The following COL25A1 variants were observed in gnomAD, a reference collection of about 807,000 sequenced individuals.
COL25A1 encodes collagen alpha-1(XXV) chain.
In COL25A1, 103 loss-of-function variants were observed where a neutral mutation model predicts 128.4. The observed-to-expected ratio is 0.80, with a 90% CI of 0.68 to 0.94. The LOEUF is 0.94. Ranked by LOEUF, COL25A1 falls within the 40% of genes least tolerant of loss-of-function variation. The pLI, the probability that COL25A1 is intolerant of heterozygous loss-of-function variation, is 0.00. For synonymous variants in COL25A1, 279 were observed against 277.2 expected, an observed-to-expected ratio of 1.01 and a Z score of -0.06; for missense variants, 745 against 840.0, an observed-to-expected ratio of 0.89 and a Z score of 1.40.
chr4:109,203,261 G>A (rs1043903920), intron 3 of COL25A1, among the ~76,000 whole-genome samples: 3 of 152,072 alleles, frequency 2.0e-5, no homozygotes, highest in East Asian at 3.9e-4. Flanking sequence ...AAGACAAGAC[G>A]AGCCATGCCT....
intron 11 of COL25A1, among the ~76,000 whole-genome samples, chr4:108,923,835 A>G (rs1745738288): frequency 6.6e-6 from 1 of 152,228 alleles, no homozygotes; most frequent in Non-Finnish European, 1.5e-5. Context: ...GTAAGTTTGT[A>G]TCAAGTAGAT....
rs566191347 is a variant in COL25A1, at chr4:109,122,079, T to C, written c.368-71900A>G. Among the ~76,000 whole-genome samples the C allele has an allele frequency of 2.0e-5, 3 of 152,042 alleles. No individual in the cohort carries two copies. In the East Asian group the frequency reaches 5.8e-4, roughly 29 times the overall value. ...TATGATATTCTGAAAAAGGCAAAAC[T>C]ATGGAGACAGCAAAAAGATTAGTAG... On this transcript the variant is annotated intron_variant, in intron 3 of 37. Transcript: ENST00000399132.
At position 108,835,915 on chromosome 4, in the gene COL25A1, G is replaced by A. The variant is rs147650903; in HGVS notation, c.1657-3482C>T. 1.2e-3 allele frequency among the ~76,000 whole-genome samples: 150 copies of A among 122,028 alleles called. 1 individual carries two copies. The highest frequency in any genetic ancestry group is 4.7e-3 in the African/African-American group (144 of 30,360). The allele number at this position is 122,028 out of a possible 152,430, so 80.1% of individuals were successfully genotyped here. A position where few individuals can be genotyped will look rare whatever the true frequency, so the allele number is the denominator to read the frequency against. On this transcript the variant is annotated intron_variant, in intron 31 of 37. Transcript: ENST00000399132. Reference sequence around the variant, plus strand: ...GAGACGGACTCTCGCTCTGTTGCCCGGGCTGGAGTGCAGTGGCGCGATCTC... The same window carrying A: ...GAGACGGACTCTCGCTCTGTTGCCCAGGCTGGAGTGCAGTGGCGCGATCTC...
chr4:108,996,719 A>G (rs1754813611), intron 6 of COL25A1, among the ~76,000 whole-genome samples: 1 of 152,162 alleles, frequency 6.6e-6, no homozygotes, highest in African/African-American at 2.4e-5. Context: ...TAACCACATA[A>G]TTGATACTAA....
In COL25A1 at chr4:108,852,290, G is replaced by C. The variant is rs114761964; in HGVS notation, c.1345-10C>G. 2.2e-3 allele frequency: 3,420 copies of C among 1,589,470 alleles called. 66 individuals carry two copies. The African/African-American group carries it at 0.04, about 19-fold the overall frequency. ...GAGGTCCAGGGGGACCCTAAATCAA[G>C]AAAAAGCACAGTTTTTAAAAGTAGT... On this transcript the variant is annotated splice_polypyrimidine_tract_variant and intron_variant, in intron 25 of 37. Transcript: ENST00000399132.
intron 3 of COL25A1, among the ~76,000 whole-genome samples, chr4:109,238,680 A>T (rs1779628977): frequency 6.6e-6 from 1 of 152,078 alleles, no homozygotes; most frequent in African/African-American, 2.4e-5. Context: ...GTGTGGTCAG[A>T]GAACCATGAA....
intron 3 of COL25A1, among the ~76,000 whole-genome samples, chr4:109,112,384 G>C (rs1767107492): frequency 6.6e-6 from 1 of 151,916 alleles, no homozygotes. Context: ...GCTAATGCTT[G>C]TCTGACCATA....
At chr4:109,086,101 C>T (rs2126001289) in intron 3 of COL25A1, among the ~76,000 whole-genome samples, 1 of 152,274 alleles carries the variant, frequency 6.6e-6, no homozygotes, top group East Asian at 1.9e-4. Context: ...AAAGAAGCTC[C>T]CAGTACTACA....
intron 20 of COL25A1, among the ~76,000 whole-genome samples, chr4:108,865,188 CTGT>C (rs1213467410): frequency 1.3e-5 from 2 of 152,146 alleles, no homozygotes; most frequent in Non-Finnish European, 2.9e-5. Flanking sequence ...AGAATTCAGA[CTGT>C]TGATGACATA....
chr4:109,106,817 AAGTGC>A (rs1419888732), intron 3 of COL25A1, among the ~76,000 whole-genome samples: 1 of 152,144 alleles, frequency 6.6e-6, no homozygotes, highest in Non-Finnish European at 1.5e-5. Flanking sequence ...GCCCAGCATG[AAGTGC>A]AGTGGCACAG....
chr4:109,058,067 T>C (rs1761613545), intron 3 of COL25A1, among the ~76,000 whole-genome samples: 1 of 152,240 alleles, frequency 6.6e-6, no homozygotes, highest in African/African-American at 2.4e-5. Context: ...GTTGCTGTTT[T>C]TAATATCTAG....
chr4:108,833,488 G>A (rs1231544204), intron 31 of COL25A1, among the ~76,000 whole-genome samples: 1 of 152,130 alleles, frequency 6.6e-6, no homozygotes, highest in East Asian at 1.9e-4. Context: ...GAAAAGATGG[G>A]AATTTCTTTT....
chr4:109,215,168 A>G (rs1474542070), intron 3 of COL25A1, among the ~76,000 whole-genome samples: 1 of 152,180 alleles, frequency 6.6e-6, no homozygotes, highest in East Asian at 1.9e-4. Context: ...ACAGGAAATC[A>G]GGGTAACAAG....
intron 6 of COL25A1, among the ~76,000 whole-genome samples, chr4:108,995,608 A>G (rs1754690566): frequency 6.6e-6 from 1 of 152,208 alleles, no homozygotes; most frequent in African/African-American, 2.4e-5. Context: ...AAATTCAGGA[A>G]ATAATTGAAC....
chr4:109,285,343 T>C (rs1723773074), intron 3 of COL25A1, among the ~76,000 whole-genome samples: 1 of 152,274 alleles, frequency 6.6e-6, no homozygotes, highest in East Asian at 1.9e-4. Flanking sequence ...TTCTAACAAA[T>C]TGTCCAAAAT....
At chr4:108,877,232 G>A (rs1003648201) in intron 19 of COL25A1, among the ~76,000 whole-genome samples, 1 of 152,140 alleles carries the variant, frequency 6.6e-6, no homozygotes, top group African/African-American at 2.4e-5. Context: ...GACCAACTAC[G>A]GAGGGCCTCA....
intron 8 of COL25A1, among the ~76,000 whole-genome samples, chr4:108,954,084 G>A (rs564577114): frequency 3.3e-5 from 5 of 152,154 alleles, no homozygotes; most frequent in South Asian, 4.1e-4. Context: ...ATTCCTTTTC[G>A]AAAAGGACGT....
intron 3 of COL25A1, among the ~76,000 whole-genome samples, chr4:109,210,884 G>A (rs1393045625): frequency 6.6e-6 from 1 of 152,046 alleles, no homozygotes; most frequent in Non-Finnish European, 1.5e-5. Context: ...CACGGATGGT[G>A]CTGGAGGCCA....
At chr4:109,068,814 G>A (rs530130217) in intron 3 of COL25A1, among the ~76,000 whole-genome samples, 5 of 152,054 alleles carry the variant, frequency 3.3e-5, no homozygotes, top group Admixed American at 6.6e-5. Context: ...CTCTGGGTTC[G>A]GTGGTACAGT....
Sources: gnomAD v4.1 joint callset for allele counts (sites outside exome capture counted in the v4.1 genomes callset) on GRCh38, gnomAD v4.1.1 for gene constraint, MANE v1.5 for transcripts, NCBI Gene and HGNC (gene_info 2026-07-23, HGNC 2026-07-21) for gene names.